Variants in MEGF6 observed in about 807,000 individuals in gnomAD.
MEGF6 encodes multiple EGF like domains 6.
Under a neutral mutation model 207.1 loss-of-function variants are expected in MEGF6, and 184 were observed. That is an observed-to-expected ratio of 0.89 (90% CI 0.79 to 1.00). The LOEUF (loss-of-function observed/expected upper bound fraction) is 1.00, where lower values mean the gene tolerates loss of function less well. MEGF6 is among the 50% of genes least tolerant of loss of function. MEGF6 has a pLI of 0.00. For missense variants in MEGF6, 2,282 were observed against 2,202.9 expected (o/e 1.04, Z -0.72); for synonymous variants, 1,038 against 910.0 (o/e 1.14, Z -2.53).
chr1:3,609,709 A>G (rs114787883), intron 1 of MEGF6, among the ~76,000 whole-genome samples: 2,863 of 152,028 alleles, frequency 0.019, 63 homozygotes, highest in South Asian at 0.053. Context: ...GTCACGAAGG[A>G]CCTCCCGAGC....
chr1:3,496,297 C>T (rs1357658895), intron 29 of MEGF6, among the ~76,000 whole-genome samples: 1 of 152,250 alleles, frequency 6.6e-6, no homozygotes, highest in Non-Finnish European at 1.5e-5. Flanking sequence ...AAAGTCCCTG[C>T]ATGACTGAGG....
intron 29 of MEGF6, 28 bp downstream of exon 29, chr1:3,496,627 C>T (rs942590440): frequency 5.6e-5 from 87 of 1,566,374 alleles, no homozygotes; most frequent in Non-Finnish European, 7.2e-5. Context: ...GGAGGCGCCA[C>T]TCAGCACTGC....
At chr1:3,506,350 G>T in intron 14 of MEGF6, 114 bp from the exon 15 acceptor site, 1 of 1,328,652 alleles carries the variant, frequency 7.5e-7, no homozygotes, top group Non-Finnish European at 1.0e-6. Flanking sequence ...GCTGGGAGCA[G>T]CCCCCGCCAG....
At chr1:3,548,701 A>T (rs561454120) in intron 4 of MEGF6, among the ~76,000 whole-genome samples, 1 of 152,136 alleles carries the variant, frequency 6.6e-6, no homozygotes, top group African/African-American at 2.4e-5. Flanking sequence ...TGGACGCCAG[A>T]TGAGCTTCCA....
At position 3,505,190 on chromosome 1, in the gene MEGF6, C is replaced by A; in HGVS notation, c.2188+18G>T. On this transcript the variant is annotated intron_variant, in intron 17 of 36. Coordinates refer to ENST00000356575, the MANE Select transcript of MEGF6 (RefSeq NM_001409.4). The stretch of plus-strand genomic sequence containing the variant: ...CCCACAATGAGACTGCCGGGAGCCC[C>A]AGGGGCCGGCCACTCACCTTGGCCA... 1.2e-6 allele frequency: 2 copies of A among 1,609,796 alleles called. No homozygotes were observed. Among genetic ancestry groups the A allele is most frequent in the Admixed American group, 1.7e-5 (1 of 59,922 alleles).
At chr1:3,501,365 A>G in intron 18 of MEGF6, 57 bp from the exon 19 acceptor site, 1 of 1,540,954 alleles carries the variant, frequency 6.5e-7, no homozygotes, top group Non-Finnish European at 8.8e-7. Flanking sequence ...CAACACATCA[A>G]CATAACATGG....
At chr1:3,498,916 G>T in intron 24 of MEGF6, 90 bp from the exon 25 acceptor site, 2 of 1,501,034 alleles carry the variant, frequency 1.3e-6, no homozygotes, top group South Asian at 2.5e-5. Context: ...GTTGGACTTT[G>T]GGGTCAGGCA....
chr1:3,586,327 G>A (rs556330768), intron 3 of MEGF6, among the ~76,000 whole-genome samples: 34 of 152,350 alleles, frequency 2.2e-4, no homozygotes, highest in African/African-American at 7.5e-4. Context: ...CCTTGTGCAC[G>A]CTCGAGTGAG....
intron 4 of MEGF6, among the ~76,000 whole-genome samples, chr1:3,554,975 T>C (rs898798550): frequency 6.6e-6 from 1 of 152,196 alleles, no homozygotes. Context: ...ACAGGGCGGC[T>C]GGCAGGGGAG....
intron 7 of MEGF6, 97 bp from the exon 8 acceptor site, chr1:3,512,225 G>A (rs929375750): frequency 8.2e-6 from 12 of 1,467,416 alleles, no homozygotes; most frequent in Non-Finnish European, 1.0e-5. Context: ...GACACCCAGG[G>A]CCTGTGGCCG....
At chr1:3,510,240 C>T (rs1641288024) in intron 10 of MEGF6, among the ~76,000 whole-genome samples, 1 of 152,104 alleles carries the variant, frequency 6.6e-6, no homozygotes, top group Non-Finnish European at 1.5e-5. Flanking sequence ...GCCGGCCAGG[C>T]AGCAGCCAGG....
chr1:3,602,607 CAG>C lies in MEGF6; in HGVS notation c.132-9_132-8del. On this transcript the variant is annotated splice_polypyrimidine_tract_variant and splice_region_variant and intron_variant, in intron 1 of 36. Transcript: ENST00000356575. Reference sequence around the variant, plus strand: ...CTCAGCACACACGTGGGGCCTGGAACAGAGACACGGAGAGTCAGCGCCTCGGC... The same window carrying C: ...CTCAGCACACACGTGGGGCCTGGAACAGACACGGAGAGTCAGCGCCTCGGC... The C allele has an allele frequency of 6.2e-7, 1 of 1,601,204 alleles. No individual in the cohort carries two copies. Among genetic ancestry groups the C allele is most frequent in the Non-Finnish European group, 8.5e-7 (1 of 1,172,184 alleles).
Position 3,500,956 on chromosome 1 carries a change from G to T in MEGF6, c.2575+10C>A. 2 of 1,611,140 alleles carry T rather than the reference G, an allele frequency of 1.2e-6. No individual in the cohort carries two copies. Among genetic ancestry groups the T allele is most frequent in the Non-Finnish European group, 1.7e-6 (2 of 1,179,910 alleles). On this transcript the variant is annotated intron_variant, in intron 20 of 36. Coordinates refer to ENST00000356575, the MANE Select transcript of MEGF6 (RefSeq NM_001409.4). ...TGTCTGGACAAAGGGCAAGCCAAGG[G>T]CCCCCGTACCTCTCTGGCAGCTAAA...
chr1:3,550,698 T>A (rs557566813), intron 4 of MEGF6, among the ~76,000 whole-genome samples: 65 of 152,216 alleles, frequency 4.3e-4, no homozygotes, highest in African/African-American at 1.5e-3. Flanking sequence ...CAGCAGTGAC[T>A]GCAATGTCAC....
Position 3,498,397 on chromosome 1 carries a change from C to G in MEGF6, c.3326G>C (p.Gly1109Ala). 6.2e-7 allele frequency: 1 copy of G among 1,600,854 alleles called. No individual in the cohort carries two copies. The highest frequency in any genetic ancestry group is 8.5e-7 in the Non-Finnish European group (1 of 1,176,618). The part of the protein sequence containing the change: ...PHTGRCLCPA[G>A]WTGDKCQSPC... Reference sequence around the variant, plus strand: ...GCTCTGACACTTGTCCCCAGTCCAGCCGGCTGGGCAGAGGCAGCGGCCCGT... The same window carrying G: ...GCTCTGACACTTGTCCCCAGTCCAGGCGGCTGGGCAGAGGCAGCGGCCCGT... Residue 1109 changes from glycine to alanine, a missense_variant, in exon 26 of 37, where the codon GGC becomes GCC. Gly to Ala is a moderately conservative substitution (Grantham distance 60). Coordinates refer to ENST00000356575, the MANE Select transcript of MEGF6 (RefSeq NM_001409.4).
intron 13 of MEGF6, 143 bp from the exon 14 acceptor site, chr1:3,508,066 C>T: frequency 1.1e-6 from 1 of 871,642 alleles, no homozygotes; most frequent in Admixed American, 2.9e-5. Context: ...CCTGCCCATG[C>T]TCATGGCAGA....
chr1:3,546,451 GA>G (rs1642706709), intron 4 of MEGF6, among the ~76,000 whole-genome samples: 1 of 152,246 alleles, frequency 6.6e-6, no homozygotes, highest in South Asian at 2.1e-4. Flanking sequence ...CAGGAGTGGG[GA>G]GCGAGTTGGG....
intron 4 of MEGF6, among the ~76,000 whole-genome samples, chr1:3,540,038 G>A (rs531103100): frequency 3.1e-4 from 47 of 152,316 alleles, no homozygotes; most frequent in African/African-American, 1.1e-3. Context: ...TGTTTATCTG[G>A]AGCACGGCCA....
chr1:3,570,887 G>A (rs763111628), intron 4 of MEGF6, among the ~76,000 whole-genome samples: 2 of 152,114 alleles, frequency 1.3e-5, no homozygotes, highest in Non-Finnish European at 2.9e-5. Flanking sequence ...GCCATCCCCC[G>A]GGGCCACCCA....
Sources: gnomAD v4.1 joint callset for allele counts (sites outside exome capture counted in the v4.1 genomes callset) on GRCh38, gnomAD v4.1.1 for gene constraint, MANE v1.5 for transcripts, NCBI Gene and HGNC (gene_info 2026-07-23, HGNC 2026-07-21) for gene names.